Variants in ORC2 observed in about 807,000 individuals in gnomAD.
ORC2 encodes origin recognition complex protein 2 homolog.
A neutral mutation model predicts 77.7 loss-of-function variants in ORC2; 37 were observed. The observed-to-expected ratio is 0.48, with a 90% confidence interval of 0.37 to 0.63. The LOEUF (loss-of-function observed/expected upper bound fraction) is 0.63, where lower values mean the gene tolerates loss of function less well. Ranked by LOEUF, ORC2 falls within the 20% of genes least tolerant of loss-of-function variation. The probability of loss-of-function intolerance (pLI) is 0.00; values close to 1 mark genes in which losing one functional copy is unlikely to be tolerated. For missense variants in ORC2, 557 were observed against 661.9 expected (o/e 0.84, Z 1.74); for synonymous variants, 201 against 229.5 (o/e 0.88, Z 1.12).
chr2:200,923,367 GC>G (rs1183304346), intron 13 of ORC2, among the ~76,000 whole-genome samples: 3 of 152,098 alleles, frequency 2.0e-5, no homozygotes, highest in Non-Finnish European at 4.4e-5. Context: ...TCCTGTCTCA[GC>G]CTCCCGACTA....
intron 7 of ORC2, 45 bp downstream of exon 7, chr2:200,941,202 CT>C: frequency 3.9e-6 from 6 of 1,523,148 alleles, no homozygotes; most frequent in Non-Finnish European, 5.4e-6. Context: ...TTCATCATGT[CT>C]TACTTTGTAA....
intron 11 of ORC2, among the ~76,000 whole-genome samples, chr2:200,930,359 A>C (rs2040917793): frequency 6.6e-6 from 1 of 152,200 alleles, no homozygotes. Context: ...AAGTTATCTA[A>C]GTTGACACGC....
intron 14 of ORC2, 34 bp downstream of exon 14, chr2:200,920,959 T>C (rs199661333): frequency 9.8e-5 from 141 of 1,436,122 alleles, no homozygotes; most frequent in Admixed American, 1.1e-4. Context: ...AAGACTGATA[T>C]CTCTAGAAGG....
At chr2:200,925,011 C>T (rs1160229748) in intron 13 of ORC2, among the ~76,000 whole-genome samples, 7 of 152,188 alleles carry the variant, frequency 4.6e-5, no homozygotes, top group African/African-American at 1.4e-4. Flanking sequence ...CCACTGAGCT[C>T]GGCCTCCCAA....
In ORC2 at chr2:200,963,551, A is replaced by G; in HGVS notation, c.-121T>C. On this transcript the variant is annotated 5_prime_UTR_variant, in exon 1 of 18. Transcript: ENST00000234296. The stretch of plus-strand genomic sequence containing the variant: ...ACGCCGGCCGAACGACACCCCGCTG[A>G]GTCGCCGCCGCAGGGAAGGTACCTT... The G allele has an allele frequency of 2.5e-6, 1 of 398,586 alleles. No individual in the cohort carries two copies. Among genetic ancestry groups the G allele is most frequent in the Non-Finnish European group, 4.4e-6 (1 of 226,016 alleles). The allele number at this position is 398,586 out of a possible 1,614,324, so 24.7% of individuals were successfully genotyped here. A position where few individuals can be genotyped will look rare whatever the true frequency, so the allele number is the denominator to read the frequency against.
chr2:200,957,253 T>C lies in ORC2; in HGVS notation c.238+148A>G. On this transcript the variant is annotated intron_variant, in intron 4 of 17. Transcript: ENST00000234296. ...AGGACTGGTTGTTAAAAAAAAGAAC[T>C]ATGGAGAAATTGAAGCAAATGCTTT... The C allele has an allele frequency of 5.4e-6, 3 of 555,998 alleles. No homozygotes were observed. In the South Asian group the frequency reaches 1.1e-4, roughly 19 times the overall value. 34.4% of individuals were successfully genotyped at this position (555,998 alleles called of 1,614,324 possible). A position where few individuals can be genotyped will look rare whatever the true frequency, so the allele number is the denominator to read the frequency against.
chr2:200,921,924 G>A (rs534289836), intron 13 of ORC2, among the ~76,000 whole-genome samples: 35 of 151,950 alleles, frequency 2.3e-4, no homozygotes, highest in African/African-American at 7.7e-4. Flanking sequence ...TGTGTGAGCC[G>A]CCGTGCTCAG....
intron 7 of ORC2, 115 bp from the exon 8 acceptor site, chr2:200,938,081 T>C: frequency 1.6e-6 from 1 of 632,470 alleles, no homozygotes; most frequent in Non-Finnish European, 2.8e-6. Flanking sequence ...GCATTAGAAC[T>C]AGATGAGCTT....
chr2:200,961,733 A>C (rs1188010514), intron 1 of ORC2, among the ~76,000 whole-genome samples: 2 of 152,332 alleles, frequency 1.3e-5, no homozygotes, highest in East Asian at 3.9e-4. Flanking sequence ...ATGCAATAAA[A>C]CAAATTATAA....
chr2:200,942,012 A>G (rs1252758908), intron 6 of ORC2, among the ~76,000 whole-genome samples: 2 of 140,630 alleles, frequency 1.4e-5, no homozygotes, highest in Non-Finnish European at 1.6e-5. Context: ...AAAAAAAAAG[A>G]AAAAAAAAAA....
At chr2:200,918,529 C>CG (rs2040698601) in intron 15 of ORC2, among the ~76,000 whole-genome samples, 2 of 151,122 alleles carry the variant, frequency 1.3e-5, no homozygotes, top group Non-Finnish European at 1.5e-5. Flanking sequence ...CACTCTGTCA[C>CG]CCAGGCTGGA....
At chr2:200,958,242 T>C (rs891647513) in intron 2 of ORC2, 109 bp from the exon 3 acceptor site, 5 of 631,814 alleles carry the variant, frequency 7.9e-6, no homozygotes, top group Admixed American at 2.6e-5. Flanking sequence ...TTTAAAGTCT[T>C]TTTAAGTATA....
rs373121277 is a variant in ORC2, at chr2:200,925,830, T to C, written c.1147+6A>G. 1.4e-5 allele frequency: 20 copies of C among 1,429,158 alleles called. No homozygotes were observed. The highest frequency in any genetic ancestry group is 2.0e-5 in the Non-Finnish European group (20 of 1,018,914). 88.5% of individuals were successfully genotyped at this position (1,429,158 alleles called of 1,614,324 possible). ...CTAAAACTACCGAGCATCTACTTCA[T>C]GTTACCTTCTTTAAATTTGTTTACT... On this transcript the variant is annotated splice_donor_region_variant and intron_variant, in intron 13 of 17. Transcript: ENST00000234296.
At chr2:200,913,499 AAGTGC>A in intron 16 of ORC2, 86 bp from the exon 17 acceptor site, 1 of 1,442,474 alleles carries the variant, frequency 6.9e-7, no homozygotes, top group South Asian at 1.4e-5. Context: ...AACAGAATAA[AAGTGC>A]TATTTGCATG....
intron 11 of ORC2, among the ~76,000 whole-genome samples, chr2:200,928,126 C>T (rs1164488905): frequency 6.6e-6 from 1 of 151,906 alleles, no homozygotes; most frequent in African/African-American, 2.4e-5. Context: ...GAGGTCGAGG[C>T]AGGTGGATCA....
At position 200,930,709 on chromosome 2, in the gene ORC2, T is replaced by G. The variant is rs114255060; in HGVS notation, c.917+630A>C. 9.4e-3 allele frequency among the ~76,000 whole-genome samples: 1,438 copies of G among 152,230 alleles called. 18 individuals carry two copies. Among genetic ancestry groups the G allele is most frequent in the African/African-American group, 0.033 (1,374 of 41,532 alleles). Reference sequence around the variant, plus strand: ...AGTGTACATTTTAAGCACTTCCTTATGTTCAAGTCTTTTTAACTGCAAGGA... The same window carrying G: ...AGTGTACATTTTAAGCACTTCCTTAGGTTCAAGTCTTTTTAACTGCAAGGA... On this transcript the variant is annotated intron_variant, in intron 11 of 17. Transcript: ENST00000234296.
chr2:200,923,594 C>T (rs1418062770), intron 13 of ORC2, among the ~76,000 whole-genome samples: 2 of 152,054 alleles, frequency 1.3e-5, no homozygotes, highest in East Asian at 1.9e-4. Context: ...TCTATTAACA[C>T]GGAACTCACA....
At chr2:200,953,062 T>G (rs2041392595) in intron 4 of ORC2, among the ~76,000 whole-genome samples, 1 of 149,644 alleles carries the variant, frequency 6.7e-6, no homozygotes, top group African/African-American at 2.5e-5. Flanking sequence ...GCAGTGAGCC[T>G]TGATTGTGCC....
intron 8 of ORC2, among the ~76,000 whole-genome samples, chr2:200,937,269 A>G (rs1168487545): frequency 6.6e-6 from 1 of 152,220 alleles, no homozygotes; most frequent in Non-Finnish European, 1.5e-5. Flanking sequence ...ACATGAAATA[A>G]CAATCACAAC....
Sources: allele counts gnomAD v4.1 joint callset (sites outside exome capture counted in the v4.1 genomes callset), GRCh38; gene constraint gnomAD v4.1.1; transcripts MANE v1.5; gene names NCBI Gene and HGNC (gene_info 2026-07-23, HGNC 2026-07-21).